IQCJ: variants seen among roughly 807,000 people sequenced by gnomAD.
The protein encoded by IQCJ is IQ domain-containing protein J.
A neutral mutation model predicts 11.0 loss-of-function variants in IQCJ; 9 were observed. The observed-to-expected ratio is 0.82, with a 90% CI of 0.49 to 1.43. The LOEUF (loss-of-function observed/expected upper bound fraction) is 1.43, where lower values mean the gene tolerates loss of function less well. Ranked by LOEUF, IQCJ falls within the 40% of genes most tolerant of loss-of-function variation. The pLI is 0.00. For missense variants in IQCJ, 146 were observed against 133.2 expected, an observed-to-expected ratio of 1.10 and a Z score of -0.47; for synonymous variants, 55 against 51.3, an observed-to-expected ratio of 1.07 and a Z score of -0.31.
chr3:159,180,649 G>A (rs1385380915), intron 1 of IQCJ, among the ~76,000 whole-genome samples: 2 of 151,886 alleles, frequency 1.3e-5, no homozygotes, highest in African/African-American at 4.9e-5. Context: ...AATAAATATA[G>A]ATTCTAAATG....
intron 1 of IQCJ, among the ~76,000 whole-genome samples, chr3:159,091,658 ACACACACACACGCATG>A (rs1326618840): frequency 7.0e-5 from 4 of 57,032 alleles, no homozygotes; most frequent in Non-Finnish European, 1.5e-4. Context: ...ACACACACAC[ACACACACACACGCATG>A]CACACACACA....
At chr3:159,175,797 C>T (rs1232899665) in intron 1 of IQCJ, among the ~76,000 whole-genome samples, 1 of 152,098 alleles carries the variant, frequency 6.6e-6, no homozygotes, top group Non-Finnish European at 1.5e-5. Flanking sequence ...TTCTATTTAC[C>T]TTACAAGTCC....
At chr3:159,146,300 G>A (rs918281262) in intron 1 of IQCJ, among the ~76,000 whole-genome samples, 5 of 152,046 alleles carry the variant, frequency 3.3e-5, no homozygotes, top group Admixed American at 2.0e-4. Context: ...ATAAACATTT[G>A]GAGCTGCTCT....
At chr3:159,227,249 C>T (rs1307616864) in intron 1 of IQCJ, among the ~76,000 whole-genome samples, 1 of 151,948 alleles carries the variant, frequency 6.6e-6, no homozygotes, top group Non-Finnish European at 1.5e-5. Flanking sequence ...TAGGTTTGGC[C>T]GTGGCAAATT....
downstream of IQCJ, chr3:159,266,138 T>C (rs1332271975): frequency 6.6e-6 from 1 of 152,232 alleles, no homozygotes; most frequent in African/African-American, 2.4e-5. Context: ...ACTATTATTA[T>C]CTCCATTTTA....
chr3:159,149,984 G>T (rs1721117370), intron 1 of IQCJ, among the ~76,000 whole-genome samples: 1 of 152,072 alleles, frequency 6.6e-6, no homozygotes, highest in Non-Finnish European at 1.5e-5. Flanking sequence ...TCTCTTCTTT[G>T]CACTGTCTCT....
intron 1 of IQCJ, among the ~76,000 whole-genome samples, chr3:159,077,494 C>T (rs1044198590): frequency 6.6e-6 from 1 of 152,058 alleles, no homozygotes; most frequent in Non-Finnish European, 1.5e-5. Flanking sequence ...TATGTTATAT[C>T]CATGCAATGG....
chr3:159,212,577 A>C (rs1295742000), intron 1 of IQCJ, among the ~76,000 whole-genome samples: 1 of 152,248 alleles, frequency 6.6e-6, no homozygotes, highest in African/African-American at 2.4e-5. Flanking sequence ...TGTGTATAGC[A>C]TGCCCTACAC....
intron 1 of IQCJ, among the ~76,000 whole-genome samples, chr3:159,179,165 A>G (rs1355989208): frequency 6.6e-6 from 1 of 152,088 alleles, no homozygotes; most frequent in African/African-American, 2.4e-5. Flanking sequence ...CATTGCCCTC[A>G]TGTCATTTGA....
chr3:159,207,932 G>A (rs757267884), intron 1 of IQCJ, among the ~76,000 whole-genome samples: 2 of 152,082 alleles, frequency 1.3e-5, no homozygotes, highest in Non-Finnish European at 2.9e-5. Context: ...GTACACATTC[G>A]AACAAAGCAA....
chr3:159,129,172 T>C (rs73164362), intron 1 of IQCJ, among the ~76,000 whole-genome samples: 1 of 152,310 alleles, frequency 6.6e-6, no homozygotes, highest in Non-Finnish European at 1.5e-5. Context: ...TTCCATCTCG[T>C]AGATAAGGAA....
At chr3:159,207,871 C>A (rs1724742397) in intron 1 of IQCJ, among the ~76,000 whole-genome samples, 1 of 152,168 alleles carries the variant, frequency 6.6e-6, no homozygotes. Context: ...GTTTGCATTC[C>A]CAGCTGAACA....
chr3:159,215,599 G>A (rs1439971790), intron 1 of IQCJ, among the ~76,000 whole-genome samples: 1 of 152,186 alleles, frequency 6.6e-6, no homozygotes, highest in Non-Finnish European at 1.5e-5. Flanking sequence ...ATATTTAAAT[G>A]AGTGTGCAAA....
intron 1 of IQCJ, among the ~76,000 whole-genome samples, chr3:159,104,290 T>C (rs1222906986): frequency 6.6e-6 from 1 of 152,212 alleles, no homozygotes; most frequent in Non-Finnish European, 1.5e-5. Flanking sequence ...TCACTGACAG[T>C]CCATGCAAGG....
chr3:159,165,295 T>C (rs993107881), intron 1 of IQCJ, among the ~76,000 whole-genome samples: 3 of 152,220 alleles, frequency 2.0e-5, no homozygotes, highest in Non-Finnish European at 4.4e-5. Flanking sequence ...ATAGCACATA[T>C]CACAAGGTGT....
intron 1 of IQCJ, among the ~76,000 whole-genome samples, chr3:159,113,700 A>T (rs1321634622): frequency 6.6e-6 from 1 of 152,214 alleles, no homozygotes; most frequent in Non-Finnish European, 1.5e-5. Flanking sequence ...GGGGCAGGCA[A>T]GTGCCGAGGC....
At chr3:159,132,291 C>T (rs1051771874) in intron 1 of IQCJ, among the ~76,000 whole-genome samples, 7 of 152,068 alleles carry the variant, frequency 4.6e-5, no homozygotes, top group Non-Finnish European at 8.8e-5. Flanking sequence ...CTCTAAGTAA[C>T]TAAGAAGTGT....
At chr3:159,101,373 C>T (rs9825539) in intron 1 of IQCJ, among the ~76,000 whole-genome samples, 1,852 of 152,156 alleles carry the variant, frequency 0.012, 29 homozygotes, top group African/African-American at 0.042. Context: ...TGTTCCTATT[C>T]GGCCATCTTG....
intron 1 of IQCJ, among the ~76,000 whole-genome samples, chr3:159,147,170 C>T (rs1720968144): frequency 6.6e-6 from 1 of 152,144 alleles, no homozygotes; most frequent in South Asian, 2.1e-4. Context: ...AATGAGGTTC[C>T]ATTTGAGCTC....
Sources: allele counts gnomAD v4.1 joint callset (sites outside exome capture counted in the v4.1 genomes callset), GRCh38; gene constraint gnomAD v4.1.1; transcripts MANE v1.5; gene names NCBI Gene and HGNC (gene_info 2026-07-23, HGNC 2026-07-21).